ARHGEF28: variants seen among roughly 807,000 people sequenced by gnomAD.
ARHGEF28 encodes Rho guanine nucleotide exchange factor 28.
ARHGEF28 carries 152 observed loss-of-function variants against 206.6 expected under a neutral mutation model. That is an observed-to-expected ratio of 0.74 (90% CI 0.64 to 0.84). The LOEUF (loss-of-function observed/expected upper bound fraction) is 0.84, where lower values mean the gene tolerates loss of function less well. Ranked by LOEUF, ARHGEF28 falls within the 40% of genes least tolerant of loss-of-function variation. The pLI, the probability that ARHGEF28 is intolerant of heterozygous loss-of-function variation, is 0.00. For missense variants in ARHGEF28, 2,028 were observed against 2,073.2 expected, an observed-to-expected ratio of 0.98 and a Z score of 0.42; for synonymous variants, 763 against 776.4, an observed-to-expected ratio of 0.98 and a Z score of 0.29.
chr5:73,801,257 T>C (rs981763977), intron 9 of ARHGEF28, among the ~76,000 whole-genome samples: 28 of 151,808 alleles, frequency 1.8e-4, no homozygotes, highest in Non-Finnish European at 3.5e-4. Flanking sequence ...CCATCCTGGC[T>C]AACATGGTGA....
At position 73,647,211 on chromosome 5, in the gene ARHGEF28, A is replaced by G. The variant is rs560424862; in HGVS notation, c.-12+20889A>G. Among the ~76,000 whole-genome samples, 3 of 152,346 alleles carry G rather than the reference A, an allele frequency of 2.0e-5. No homozygotes were observed. The East Asian group carries it at 5.8e-4, about 29-fold the overall frequency. On this transcript the variant is annotated intron_variant, in intron 1 of 35. Coordinates refer to ENST00000513042, the MANE Select transcript of ARHGEF28 (RefSeq NM_001177693.2). ...GTCAAAATTTAATTTTATGTATAAA[A>G]TTATTAAAAATATTGTGTACAATTA...
intron 35 of ARHGEF28, among the ~76,000 whole-genome samples, chr5:73,938,201 A>ACAC (rs1561211238): frequency 1.5e-4 from 5 of 34,266 alleles, no homozygotes; most frequent in East Asian, 9.5e-4. Context: ...CACACACACA[A>ACAC]CTCCCCATCC....
chr5:73,676,238 TG>T (rs150619680), intron 1 of ARHGEF28, among the ~76,000 whole-genome samples: 26,602 of 149,310 alleles, frequency 0.18, 2,755 homozygotes, highest in Non-Finnish European at 0.24. Context: ...ACCCAGCTAA[TG>T]TTTTTTTTTT....
intron 16 of ARHGEF28, among the ~76,000 whole-genome samples, chr5:73,860,602 T>TGCCA (rs1051678673): frequency 6.6e-6 from 1 of 152,312 alleles, no homozygotes; most frequent in African/African-American, 2.4e-5. Context: ...TTCTCACTGT[T>TGCCA]GCCACTCTGG....
Position 73,852,054 on chromosome 5 carries a change from T to C in ARHGEF28, c.1748-596T>C, listed in dbSNP as rs112299382. ...ACCCCTGTAGTAAGTATTTCAACTC[T>C]GGAAACAAGATGGCTCCAAGCTGCT... is the stretch of plus-strand genomic sequence containing the variant. On this transcript the variant is annotated intron_variant, in intron 13 of 35. Coordinates refer to ENST00000513042, the MANE Select transcript of ARHGEF28 (RefSeq NM_001177693.2). 2.3e-3 allele frequency among the ~76,000 whole-genome samples: 346 copies of C among 152,258 alleles called. 1 individual carries two copies. The highest frequency in any genetic ancestry group is 8.1e-3 in the African/African-American group (337 of 41,534).
chr5:73,909,443 A>G lies in ARHGEF28; in HGVS notation c.4193A>G (p.Glu1398Gly). The change falls in exon 34 of 36, where the codon GAG (glutamate) becomes GGG (glycine). Residue 1398 changes from glutamate (E) to glycine (G), a missense_variant. Transcript: ENST00000513042. ...AALTIQDSHIEIHRLVLQQQE... is the reference protein window; with the variant it reads ...AALTIQDSHIGIHRLVLQQQE... ...TTGACCATTCAGGACAGCCACATTG[A>G]GATCCACAGGCTGGTTCTCCAGCAG... 6.2e-7 allele frequency: 1 copy of G among 1,611,902 alleles called. No individual in the cohort carries two copies. Among genetic ancestry groups the G allele is most frequent in the East Asian group, 2.2e-5 (1 of 44,834 alleles).
chr5:73,698,113 G>A (rs1748334504), intron 2 of ARHGEF28, among the ~76,000 whole-genome samples: 1 of 152,022 alleles, frequency 6.6e-6, no homozygotes, highest in African/African-American at 2.4e-5. Context: ...TAAAAAGCTG[G>A]CAAATTCCAT....
chr5:73,740,162 G>C (rs906837359), intron 2 of ARHGEF28, among the ~76,000 whole-genome samples: 1 of 133,220 alleles, frequency 7.5e-6, no homozygotes, highest in African/African-American at 2.8e-5. Flanking sequence ...GGGTGATATA[G>C]TGAGAACCTA....
chr5:73,898,246 C>CTTT, intron 30 of ARHGEF28, 153 bp downstream of exon 30: 1 of 903,142 alleles, frequency 1.1e-6, no homozygotes, highest in Non-Finnish European at 1.6e-6. Context: ...ATATGCTAGC[C>CTTT]TAAATGAATA....
Position 73,858,189 on chromosome 5 carries a change from CT to C in ARHGEF28, c.2018del (p.Leu673ProfsTer134), listed in dbSNP as rs1196055802. On this transcript the variant is annotated frameshift_variant, in exon 16 of 36. Coordinates refer to ENST00000513042, the MANE Select transcript of ARHGEF28 (RefSeq NM_001177693.2). LOFTEE classifies it high-confidence loss of function. ...VLQCLVCDKT[L>X]LGKESLQCSN... Reference sequence around the variant, plus strand: ...GCAGTGTTTGGTTTGTGATAAAACACTCCTGGGGAAAGAGTCACTGCAGTGT... The same window carrying C: ...GCAGTGTTTGGTTTGTGATAAAACACCCTGGGGAAAGAGTCACTGCAGTGT... 6.2e-7 allele frequency: 1 copy of C among 1,606,664 alleles called. No individual in the cohort carries two copies. The highest frequency in any genetic ancestry group is 8.5e-7 in the Non-Finnish European group (1 of 1,177,816).
chr5:73,866,507 C>T (rs776379941), intron 18 of ARHGEF28, among the ~76,000 whole-genome samples: 4 of 152,284 alleles, frequency 2.6e-5, no homozygotes, highest in Admixed American at 6.5e-5. Flanking sequence ...AGATTCTTAT[C>T]AGTTTCTGTT....
chr5:73,934,558 A>T (rs1764311563), intron 35 of ARHGEF28, among the ~76,000 whole-genome samples: 2 of 151,692 alleles, frequency 1.3e-5, no homozygotes, highest in South Asian at 2.1e-4. Context: ...CCACCTTCTC[A>T]CTCCTGATTT....
At chr5:73,710,804 G>A (rs1749193477) in intron 2 of ARHGEF28, among the ~76,000 whole-genome samples, 1 of 152,160 alleles carries the variant, frequency 6.6e-6, no homozygotes, top group African/African-American at 2.4e-5. Context: ...GCGGGTTCAA[G>A]TGATTCTACC....
intron 35 of ARHGEF28, among the ~76,000 whole-genome samples, chr5:73,930,388 C>G (rs544823191): frequency 1.8e-4 from 27 of 152,258 alleles, no homozygotes; most frequent in Non-Finnish European, 3.5e-4. Flanking sequence ...TTAGGTTCCT[C>G]CTTCTGTGAA....
At chr5:73,859,495 A>G (rs1759258247) in intron 16 of ARHGEF28, among the ~76,000 whole-genome samples, 1 of 152,236 alleles carries the variant, frequency 6.6e-6, no homozygotes, top group Non-Finnish European at 1.5e-5. Flanking sequence ...AATACAATCC[A>G]CATATGACAT....
chr5:73,700,201 A>G (rs757299937), intron 2 of ARHGEF28, among the ~76,000 whole-genome samples: 20 of 152,370 alleles, frequency 1.3e-4, no homozygotes, highest in Middle Eastern at 3.4e-3. Flanking sequence ...TCTATGAAAT[A>G]TGGTGGTTTT....
chr5:73,651,313 G>A (rs900876144), intron 1 of ARHGEF28, among the ~76,000 whole-genome samples: 1 of 152,226 alleles, frequency 6.6e-6, no homozygotes, highest in South Asian at 2.1e-4. Flanking sequence ...AGTGGGAATA[G>A]TAACATTATT....
intron 10 of ARHGEF28, 112 bp from the exon 11 acceptor site, chr5:73,840,368 G>C: frequency 1.9e-6 from 2 of 1,043,210 alleles, no homozygotes; most frequent in Non-Finnish European, 2.8e-6. Context: ...GCCAGCCTCG[G>C]CCTCCTACCA....
intron 35 of ARHGEF28, among the ~76,000 whole-genome samples, chr5:73,915,245 A>G (rs1175712326): frequency 6.6e-6 from 1 of 152,140 alleles, no homozygotes; most frequent in African/African-American, 2.4e-5. Context: ...ATGGGGCCTG[A>G]ACATTTTCAG....
Sources: gnomAD v4.1 joint callset for allele counts (sites outside exome capture counted in the v4.1 genomes callset) on GRCh38, gnomAD v4.1.1 for gene constraint, MANE v1.5 for transcripts, NCBI Gene and HGNC (gene_info 2026-07-23, HGNC 2026-07-21) for gene names.